MIF4GD: variants seen among roughly 807,000 people sequenced by gnomAD.
MIF4GD encodes MIF4G domain containing, also known as MIF4G domain-containing protein.
Under a neutral mutation model 26.7 loss-of-function variants are expected in MIF4GD, and 22 were observed. That is an observed-to-expected ratio of 0.82 (90% CI 0.59 to 1.18). MIF4GD has a LOEUF of 1.18. MIF4GD is among the 50% of genes most tolerant of loss of function. The pLI, the probability that MIF4GD is intolerant of heterozygous loss-of-function variation, is 0.00. For missense variants in MIF4GD, 262 were observed against 279.6 expected (o/e 0.94, Z 0.45); for synonymous variants, 137 against 111.6 (o/e 1.23, Z -1.43).
chr17:75,270,352 G>T lies in MIF4GD; in HGVS notation c.-50-107C>A. On this transcript the variant is annotated intron_variant, in intron 1 of 5. Transcript: ENST00000325102. The surrounding 1 kb of genome is among the most constrained non-coding windows in gnomAD (Gnocchi z 5.7). ...CGGCGCGCTCGGGACAGGGACTCCT[G>T]GGCGGTCCGTGGCGTGCGGTGGTTG... The T allele has an allele frequency of 1.5e-6, 1 of 649,472 alleles. No individual in the cohort carries two copies. The highest frequency in any genetic ancestry group is 2.7e-6 in the Non-Finnish European group (1 of 367,722). The allele number at this position is 649,472 out of a possible 1,614,324, so 40.2% of individuals were successfully genotyped here.
At position 75,266,474 on chromosome 17, in the gene MIF4GD, AGTT is replaced by A; in HGVS notation, c.*263_*265del. 1.9e-6 allele frequency: 1 copy of A among 537,568 alleles called. No individual in the cohort carries two copies. The highest frequency in any genetic ancestry group is 3.4e-6 in the Non-Finnish European group (1 of 296,484). 33.3% of individuals were successfully genotyped at this position (537,568 alleles called of 1,614,324 possible). On this transcript the variant is annotated 3_prime_UTR_variant, in exon 6 of 6. Coordinates refer to ENST00000325102, the MANE Select transcript of MIF4GD (RefSeq NM_001370592.1). ...GGGTAAACTGAGGCACCAAGGTAGT[AGTT>A]GCACTAATGGTTACACAGTGCAGTG... is the stretch of plus-strand genomic sequence containing the variant.
At position 75,266,617 on chromosome 17, in the gene MIF4GD, A is replaced by T; in HGVS notation, c.*123T>A. ...ATCTCACCAGGAGATGGGAAAGTCT[A>T]GAAGGGAAGACACTCAAAGTCTGGA... On this transcript the variant is annotated 3_prime_UTR_variant, in exon 6 of 6. Transcript: ENST00000325102. 1 of 885,588 alleles carries T rather than the reference A, an allele frequency of 1.1e-6. No individual in the cohort carries two copies. The highest frequency in any genetic ancestry group is 1.8e-6 in the Non-Finnish European group (1 of 551,036). 54.9% of individuals were successfully genotyped at this position (885,588 alleles called of 1,614,324 possible).
chr17:75,267,412 CCACAGTCCTGCCCCAGAAGTGA>C, intron 5 of MIF4GD, 104 bp downstream of exon 5: 2 of 941,084 alleles, frequency 2.1e-6, no homozygotes, highest in Non-Finnish European at 3.3e-6. Context: ...TTAAACACCC[CCACAGTCCTGCCCCAGAAGTGA>C]CACAGTCCTC....
At position 75,270,290 on chromosome 17, in the gene MIF4GD, G is replaced by A; in HGVS notation, c.-50-45C>T. 8.7e-7 allele frequency: 1 copy of A among 1,147,860 alleles called. No individual in the cohort carries two copies. The highest frequency in any genetic ancestry group is 1.3e-6 in the Non-Finnish European group (1 of 766,288). The allele number at this position is 1,147,860 out of a possible 1,614,324, so 71.1% of individuals were successfully genotyped here. A position where few individuals can be genotyped will look rare whatever the true frequency, so the allele number is the denominator to read the frequency against. ...GGAGCGGCCTCAGGTGTGGAGCGCA[G>A]GGCGGGTTCCGTCCTGCAGGCCCTG... On this transcript the variant is annotated intron_variant, in intron 1 of 5. Transcript: ENST00000325102. The surrounding 1 kb of genome is among the most constrained non-coding windows in gnomAD (Gnocchi z 5.7).
chr17:75,269,211 A>G, intron 2 of MIF4GD: 1 of 907,760 alleles, frequency 1.1e-6, no homozygotes, highest in Non-Finnish European at 1.6e-6. Context: ...ACATGCCTCC[A>G]ACAGCAATTT....
At position 75,266,416 on chromosome 17, in the gene MIF4GD, C is replaced by T. The variant is rs557315618; in HGVS notation, c.*324G>A. 19 of 424,272 alleles carry T rather than the reference C, an allele frequency of 4.5e-5. 1 individual carries two copies. Among genetic ancestry groups the T allele is most frequent in the South Asian group, 4.4e-4 (18 of 40,856 alleles). The allele number at this position is 424,272 out of a possible 1,614,324, so 26.3% of individuals were successfully genotyped here. A position where few individuals can be genotyped will look rare whatever the true frequency, so the allele number is the denominator to read the frequency against. Reference sequence around the variant, plus strand: ...CCACCCCTTGACATCCCAAAATATCCCACCAGTGGCTATGCTTACCCATTT... The same window carrying T: ...CCACCCCTTGACATCCCAAAATATCTCACCAGTGGCTATGCTTACCCATTT... On this transcript the variant is annotated 3_prime_UTR_variant, in exon 6 of 6. Transcript: ENST00000325102.
rs1227631597 is a variant in MIF4GD at position 75,267,648 on chromosome 17, G to A, written c.349-18C>T. ...TTGTTCACCTGTGAGGAAGAGGAGG[G>A]GTCAGAGCACCAGGCTTAGTGGCCA... On this transcript the variant is annotated intron_variant, in intron 4 of 5. Transcript: ENST00000325102. The A allele has an allele frequency of 1.2e-6, 2 of 1,614,032 alleles. No homozygotes were observed. The highest frequency in any genetic ancestry group is 8.5e-7 in the Non-Finnish European group (1 of 1,179,918).
chr17:75,270,011 A>AG lies in MIF4GD; in HGVS notation c.82+102dup. On this transcript the variant is annotated intron_variant, in intron 2 of 5. Transcript: ENST00000325102. This position sits in a 1 kb window ranked among gnomAD's most constrained non-coding sequence, Gnocchi z 5.7. Reference sequence around the variant, plus strand: ...TGCCGACTCCTATCGTCAGAGAATGAGGGGAGGGGTGGAGGCATTCACCAG... The same window carrying AG: ...TGCCGACTCCTATCGTCAGAGAATGAGGGGGAGGGGTGGAGGCATTCACCAG... 1 of 908,422 alleles carries AG rather than the reference A, an allele frequency of 1.1e-6. No homozygotes were observed. The highest frequency in any genetic ancestry group is 1.4e-5 in the South Asian group (1 of 70,162). The allele number at this position is 908,422 out of a possible 1,614,324, so 56.3% of individuals were successfully genotyped here.
chr17:75,270,055 C>G lies in MIF4GD; in HGVS notation c.82+59G>C, dbSNP rs1281197853. ...TCACCAGGCTCAGCCTCTGGTGCTG[C>G]CCACAGGGGCCCTTCTCTGTAGCTC... On this transcript the variant is annotated intron_variant, in intron 2 of 5. Coordinates refer to ENST00000325102, the MANE Select transcript of MIF4GD (RefSeq NM_001370592.1). This position sits in a 1 kb window ranked among gnomAD's most constrained non-coding sequence, Gnocchi z 5.7. 17 of 1,468,760 alleles carry G rather than the reference C, an allele frequency of 1.2e-5. No homozygotes were observed. The highest frequency in any genetic ancestry group is 1.4e-5 in the Non-Finnish European group (15 of 1,050,116). 91.0% of individuals were successfully genotyped at this position (1,468,760 alleles called of 1,614,324 possible). A position where few individuals can be genotyped will look rare whatever the true frequency, so the allele number is the denominator to read the frequency against.
chr17:75,269,262 C>A lies in MIF4GD; in HGVS notation c.82+852G>T, dbSNP rs575440066. 1.1e-4 allele frequency: 167 copies of A among 1,514,884 alleles called. No homozygotes were observed. The Admixed American group carries it at 1.6e-3, about 15-fold the overall frequency. 93.8% of individuals were successfully genotyped at this position (1,514,884 alleles called of 1,614,324 possible). A position where few individuals can be genotyped will look rare whatever the true frequency, so the allele number is the denominator to read the frequency against. The stretch of plus-strand genomic sequence containing the variant: ...TCTTATACTACACACATGCAAACCC[C>A]CAACAAGAGAGGGCCACATAGGGCC... On this transcript the variant is annotated intron_variant, in intron 2 of 5. Transcript: ENST00000325102.
intron 5 of MIF4GD, 77 bp downstream of exon 5, chr17:75,267,461 A>C (rs2077535204): frequency 7.1e-7 from 1 of 1,403,946 alleles, no homozygotes; most frequent in Admixed American, 1.7e-5. Flanking sequence ...CTCCGTGAGC[A>C]GTGGGCTGAC....
intron 5 of MIF4GD, 55 bp downstream of exon 5, chr17:75,267,483 C>G (rs771346102): frequency 4.5e-6 from 7 of 1,563,534 alleles, no homozygotes; most frequent in South Asian, 2.2e-5. Context: ...CACGGCTGAG[C>G]TGGACTGTCC....
chr17:75,268,693 AAAAT>A (rs1268422033), intron 2 of MIF4GD, among the ~76,000 whole-genome samples: 2 of 149,694 alleles, frequency 1.3e-5, no homozygotes, highest in Non-Finnish European at 3.0e-5. Flanking sequence ...AAAAAAGAAA[AAAAT>A]AAAAGAAATC....
At position 75,266,701 on chromosome 17, in the gene MIF4GD, G is replaced by T. The variant is rs2077494134; in HGVS notation, c.*39C>A. 1 of 1,592,586 alleles carries T rather than the reference G, an allele frequency of 6.3e-7. No individual in the cohort carries two copies. Among genetic ancestry groups the T allele is most frequent in the African/African-American group, 1.3e-5 (1 of 74,520 alleles). On this transcript the variant is annotated 3_prime_UTR_variant, in exon 6 of 6. Coordinates refer to ENST00000325102, the MANE Select transcript of MIF4GD (RefSeq NM_001370592.1). The stretch of plus-strand genomic sequence containing the variant: ...CTGCCAGCTTTAGAGGTGGGTAGAA[G>T]AAAGGCCAGTGCTGGTGAGGAAGCC...
rs750324064 is a variant in MIF4GD at position 75,270,209 on chromosome 17, C to A, written c.-14G>T. 1.9e-6 allele frequency: 3 copies of A among 1,609,344 alleles called. No homozygotes were observed. The South Asian group carries it at 3.3e-5, about 18-fold the overall frequency. On this transcript the variant is annotated 5_prime_UTR_variant, in exon 2 of 6. Coordinates refer to ENST00000325102, the MANE Select transcript of MIF4GD (RefSeq NM_001370592.1). The surrounding 1 kb of genome is among the most constrained non-coding windows in gnomAD (Gnocchi z 5.7). ...GGGCTCCCCCATGACTAGCCAGCCCCGGTAGCTCTTGACTGGGCTGGGAAT... is the reference window on the plus strand; with the variant it reads ...GGGCTCCCCCATGACTAGCCAGCCCAGGTAGCTCTTGACTGGGCTGGGAAT...
In MIF4GD at chr17:75,269,747, T is replaced by TTTTC. The variant is rs1385998524; in HGVS notation, c.82+366_82+367insGAAA. Among the ~76,000 whole-genome samples the TTTTC allele has an allele frequency of 2.1e-5, 3 of 139,678 alleles. No individual in the cohort carries two copies. In the South Asian group the frequency reaches 7.1e-4, roughly 33 times the overall value. The allele number at this position is 139,678 out of a possible 152,430, so 91.6% of individuals were successfully genotyped here. ...GCTAATTTTTCTTTTCTTTCTTTTT[T>TTTTC]TTTTTTTTTTTGTAGAGATGGGGTT... On this transcript the variant is annotated intron_variant, in intron 2 of 5. Coordinates refer to ENST00000325102, the MANE Select transcript of MIF4GD (RefSeq NM_001370592.1).
At position 75,270,347 on chromosome 17, in the gene MIF4GD, C is replaced by A. The variant is rs542658599; in HGVS notation, c.-50-102G>T. The stretch of plus-strand genomic sequence containing the variant: ...GCTGACGGCGCGCTCGGGACAGGGA[C>A]TCCTGGGCGGTCCGTGGCGTGCGGT... On this transcript the variant is annotated intron_variant, in intron 1 of 5. Transcript: ENST00000325102. The surrounding 1 kb of genome is among the most constrained non-coding windows in gnomAD (Gnocchi z 5.7). 5 of 663,174 alleles carry A rather than the reference C, an allele frequency of 7.5e-6. No individual in the cohort carries two copies. In the Admixed American group the frequency reaches 1.3e-4, roughly 17 times the overall value. The allele number at this position is 663,174 out of a possible 1,614,324, so 41.1% of individuals were successfully genotyped here. A position where few individuals can be genotyped will look rare whatever the true frequency, so the allele number is the denominator to read the frequency against.
At chr17:75,268,867 G>A (rs1269038385) in intron 2 of MIF4GD, among the ~76,000 whole-genome samples, 2 of 151,422 alleles carry the variant, frequency 1.3e-5, no homozygotes, top group Non-Finnish European at 2.9e-5. Context: ...AGCTGGGCAC[G>A]GTGGCGGGCC....
At position 75,270,020 on chromosome 17, in the gene MIF4GD, G is replaced by A. The variant is rs2077672935; in HGVS notation, c.82+94C>T. On this transcript the variant is annotated intron_variant, in intron 2 of 5. Coordinates refer to ENST00000325102, the MANE Select transcript of MIF4GD (RefSeq NM_001370592.1). The surrounding 1 kb of genome is among the most constrained non-coding windows in gnomAD (Gnocchi z 5.7). ...CTATCGTCAGAGAATGAGGGGAGGG[G>A]TGGAGGCATTCACCAGGCTCAGCCT... 1 of 1,011,880 alleles carries A rather than the reference G, an allele frequency of 9.9e-7. No individual in the cohort carries two copies. Among genetic ancestry groups the A allele is most frequent in the Middle Eastern group, 2.1e-4 (1 of 4,740 alleles). The allele number at this position is 1,011,880 out of a possible 1,614,324, so 62.7% of individuals were successfully genotyped here.
Sources: gnomAD v4.1 joint callset for allele counts (sites outside exome capture counted in the v4.1 genomes callset) on GRCh38, gnomAD v4.1.1 for gene constraint, Gnocchi (gnomAD v3.1) non-coding constraint, MANE v1.5 for transcripts, NCBI Gene and HGNC (gene_info 2026-07-23, HGNC 2026-07-21) for gene names.